Variants in PDZD2 observed in about 807,000 individuals in gnomAD.
PDZD2 encodes the protein PDZ domain containing 2, also known as PDZ domain-containing protein 2.
A neutral mutation model predicts 220.7 loss-of-function variants in PDZD2; 90 were observed. That is an observed-to-expected ratio of 0.41 (90% CI 0.34 to 0.49). The LOEUF (loss-of-function observed/expected upper bound fraction) is 0.49, where lower values mean the gene tolerates loss of function less well. PDZD2 is among the 20% of genes least tolerant of loss of function. The pLI is 0.28. For missense variants in PDZD2, 3,174 were observed against 3,608.5 expected (o/e 0.88, Z 3.08); for synonymous variants, 1,375 against 1,450.5 (o/e 0.95, Z 1.18).
intron 6 of PDZD2, among the ~76,000 whole-genome samples, chr5:32,035,523 G>A (rs1755466616): frequency 6.6e-6 from 1 of 151,890 alleles, no homozygotes; most frequent in Admixed American, 6.6e-5. Context: ...GAGAAAGAAA[G>A]GGTCTTGCGA....
chr5:31,766,015 C>CA (rs201729861), intron 1 of PDZD2, among the ~76,000 whole-genome samples: 29,848 of 151,742 alleles, frequency 0.2, 3,762 homozygotes, highest in Non-Finnish European at 0.27. Context: ...CCTATCTCTA[C>CA]AAAAAATTAC....
intron 2 of PDZD2, among the ~76,000 whole-genome samples, chr5:31,899,222 C>G (rs2150356439): frequency 6.6e-6 from 1 of 152,268 alleles, no homozygotes; most frequent in South Asian, 2.1e-4. Flanking sequence ...CATCCGCCTC[C>G]TGGGTTCAAG....
intron 2 of PDZD2, among the ~76,000 whole-genome samples, chr5:31,947,498 AATCT>A (rs1746752200): frequency 6.6e-6 from 1 of 152,114 alleles, no homozygotes; most frequent in Admixed American, 6.6e-5. Flanking sequence ...AATAAAGATA[AATCT>A]ATCTGTGCTA....
rs1258701940 is a variant in PDZD2 at position 32,069,759 on chromosome 5, TG to T, written c.2533+111del. 10 of 663,026 alleles carry T rather than the reference TG, an allele frequency of 1.5e-5. No homozygotes were observed. In the East Asian group the frequency reaches 2.5e-4, roughly 17 times the overall value. 41.1% of individuals were successfully genotyped at this position (663,026 alleles called of 1,614,324 possible). ...TTGGATTCTTGGTAATTATCAGGTT[TG>T]GCAAAAGTAGCTGTCAAAGACAGTC... On this transcript the variant is annotated intron_variant, in intron 15 of 24. Coordinates refer to ENST00000438447, the MANE Select transcript of PDZD2 (RefSeq NM_178140.4).
chr5:31,683,253 AAAG>A (rs1236658694), intron 1 of PDZD2, among the ~76,000 whole-genome samples: 3 of 152,044 alleles, frequency 2.0e-5, no homozygotes, highest in Non-Finnish European at 2.9e-5. Flanking sequence ...ACGAATTAGA[AAAG>A]AAGGTCATAA....
At chr5:31,898,808 CTTTTTTTT>C (rs35589628) in intron 2 of PDZD2, among the ~76,000 whole-genome samples, 1 of 123,472 alleles carries the variant, frequency 8.1e-6, no homozygotes, top group Non-Finnish European at 1.6e-5. Context: ...AGCCTCTCTT[CTTTTTTTT>C]TTTTTTTTTT....
chr5:32,000,095 GAAT>G lies in PDZD2; in HGVS notation c.1122-43_1122-41del. On this transcript the variant is annotated intron_variant, in intron 4 of 24. Coordinates refer to ENST00000438447, the MANE Select transcript of PDZD2 (RefSeq NM_178140.4). This position sits in a 1 kb window ranked among gnomAD's most constrained non-coding sequence, Gnocchi z 4.5. ...CAGAAAATGGCCCTTCTCAGGCCCAGAATGTCTTGACAAGGGATCTTTTTCCCA... is the reference window on the plus strand; with the variant it reads ...CAGAAAATGGCCCTTCTCAGGCCCAGGTCTTGACAAGGGATCTTTTTCCCA... The G allele has an allele frequency of 6.2e-7, 1 of 1,604,886 alleles. No homozygotes were observed. Among genetic ancestry groups the G allele is most frequent in the Non-Finnish European group, 8.5e-7 (1 of 1,173,084 alleles).
chr5:31,667,855 C>CTTTTTTTTTTTTTTT (rs561833214), intron 1 of PDZD2, among the ~76,000 whole-genome samples: 2 of 77,968 alleles, frequency 2.6e-5, no homozygotes, highest in Non-Finnish European at 4.4e-5. Context: ...TTTTTTTTTC[C>CTTTTTTTTTTTTTTT]TTTTTTTTTT....
chr5:31,918,292 C>T (rs1366058318), intron 2 of PDZD2, among the ~76,000 whole-genome samples: 1 of 152,048 alleles, frequency 6.6e-6, no homozygotes, highest in African/African-American at 2.4e-5. Flanking sequence ...AAGAGGAGTC[C>T]CTTGGGGAAA....
intron 2 of PDZD2, among the ~76,000 whole-genome samples, chr5:31,973,656 A>G (rs921603445): frequency 1.3e-5 from 2 of 152,156 alleles, no homozygotes; most frequent in Non-Finnish European, 2.9e-5. Flanking sequence ...GTGTTATGCA[A>G]TCATAGAGTA....
At chr5:31,948,871 G>A (rs559630777) in intron 2 of PDZD2, among the ~76,000 whole-genome samples, 1 of 152,080 alleles carries the variant, frequency 6.6e-6, no homozygotes, top group East Asian at 1.9e-4. Context: ...GGCCAAGGAG[G>A]GTGGATCGCC....
chr5:31,785,261 G>A (rs550005838), intron 1 of PDZD2, among the ~76,000 whole-genome samples: 4 of 151,762 alleles, frequency 2.6e-5, no homozygotes, highest in African/African-American at 7.3e-5. Flanking sequence ...TCATGTTTCC[G>A]AGCCTTAGAA....
chr5:31,862,101 G>GTTTTTTTT (rs11417935), intron 2 of PDZD2, among the ~76,000 whole-genome samples: 7 of 78,498 alleles, frequency 8.9e-5, no homozygotes, highest in East Asian at 3.9e-4. Flanking sequence ...TTTTTTTTGG[G>GTTTTTTTT]TTTTTTTTTT....
intron 2 of PDZD2, among the ~76,000 whole-genome samples, chr5:31,875,577 C>T (rs545058307): frequency 7.1e-6 from 1 of 140,900 alleles, no homozygotes; most frequent in South Asian, 2.2e-4. Flanking sequence ...CAGAGTGAGA[C>T]CCTGTTCAAA....
chr5:32,110,444 A>T lies in PDZD2; in HGVS notation c.*2309A>T, dbSNP rs987547886. The T allele has an allele frequency of 1.3e-5, 2 of 152,620 alleles. No individual in the cohort carries two copies. The highest frequency in any genetic ancestry group is 4.8e-5 in the African/African-American group (2 of 41,442). The allele number at this position is 152,620 out of a possible 1,614,324, so 9.5% of individuals were successfully genotyped here. On this transcript the variant is annotated 3_prime_UTR_variant, in exon 25 of 25. Transcript: ENST00000438447. ...TGTCTTTGACCCTAAGATAGATAGA[A>T]AGCTATTTATTTGTCTTCAGTGTTC...
Position 32,048,691 on chromosome 5 carries a change from C to T in PDZD2, c.1665+7C>T, listed in dbSNP as rs780674836. The T allele has an allele frequency of 2.5e-6, 4 of 1,613,768 alleles. No homozygotes were observed. Among genetic ancestry groups the T allele is most frequent in the Non-Finnish European group, 3.4e-6 (4 of 1,179,758 alleles). On this transcript the variant is annotated splice_region_variant and intron_variant, in intron 8 of 24. Transcript: ENST00000438447. ...CTCTTCCAGTGCCTCACAGGTCCGACCAGGGCTGTGGATCTTTTCAAAGAC... is the reference window on the plus strand; with the variant it reads ...CTCTTCCAGTGCCTCACAGGTCCGATCAGGGCTGTGGATCTTTTCAAAGAC...
chr5:32,017,365 G>A (rs145767197), intron 6 of PDZD2, among the ~76,000 whole-genome samples: 1,827 of 152,102 alleles, frequency 0.012, 11 homozygotes, highest in Middle Eastern at 0.024. Flanking sequence ...CTTGAACCCC[G>A]GAGGCAGACG....
In PDZD2 at chr5:31,908,753, G is replaced by A. The variant is rs773172210; in HGVS notation, c.477-74402G>A. On this transcript the variant is annotated intron_variant, in intron 2 of 24. Transcript: ENST00000438447. ...GCACATCCTTAGTAATTTCAAAAAC[G>A]ACCAGTTCTGGCCGGGCGTGGTGGC... The A allele has an allele frequency of 1.4e-4, 134 of 971,550 alleles. 2 individuals carry two copies. The highest frequency in any genetic ancestry group is 8.9e-4 in the Middle Eastern group (3 of 3,362). 60.2% of individuals were successfully genotyped at this position (971,550 alleles called of 1,614,324 possible). A position where few individuals can be genotyped will look rare whatever the true frequency, so the allele number is the denominator to read the frequency against.
At chr5:31,886,851 C>T (rs1282037036) in intron 2 of PDZD2, among the ~76,000 whole-genome samples, 6 of 152,160 alleles carry the variant, frequency 3.9e-5, no homozygotes, top group Non-Finnish European at 8.8e-5. Context: ...GCGCCTGCCA[C>T]CACACCCAGC....
Sources: allele counts gnomAD v4.1 joint callset (sites outside exome capture counted in the v4.1 genomes callset), GRCh38; gene constraint gnomAD v4.1.1; non-coding constraint Gnocchi (gnomAD v3.1); transcripts MANE v1.5; gene names NCBI Gene and HGNC (gene_info 2026-07-23, HGNC 2026-07-21).